The following ROBO1 variants were observed in gnomAD, a reference collection of about 807,000 sequenced individuals.
The protein encoded by ROBO1 is roundabout homolog 1.
In ROBO1, 149 loss-of-function variants were observed where a neutral mutation model predicts 195.9. That is an observed-to-expected ratio of 0.76 (90% CI 0.67 to 0.87). ROBO1 has a LOEUF of 0.87. Among genes scored for constraint, ROBO1 ranks in the 40% least tolerant of loss-of-function variants. ROBO1 has a pLI of 0.00. For missense variants in ROBO1, 1,933 were observed against 2,068.3 expected, an observed-to-expected ratio of 0.93 and a Z score of 1.27; for synonymous variants, 816 against 733.2, an observed-to-expected ratio of 1.11 and a Z score of -1.82.
chr3:79,394,501 G>A (rs947556112), intron 2 of ROBO1, among the ~76,000 whole-genome samples: 4 of 151,792 alleles, frequency 2.6e-5, no homozygotes, highest in African/African-American at 9.7e-5. Flanking sequence ...ATATAGGCAA[G>A]TGGAAAACAG....
intron 28 of ROBO1, among the ~76,000 whole-genome samples, chr3:78,609,453 C>A (rs1703658472): frequency 6.6e-6 from 1 of 152,140 alleles, no homozygotes; most frequent in African/African-American, 2.4e-5. Context: ...ACCTGTCTTC[C>A]CATTCACATG....
intron 1 of ROBO1, among the ~76,000 whole-genome samples, chr3:79,734,562 C>A (rs184336140): frequency 2.6e-5 from 4 of 152,316 alleles, no homozygotes; most frequent in Middle Eastern, 3.4e-3. Context: ...AAAACTCTTT[C>A]TTCATACTGA....
At chr3:78,714,056 G>C (rs1467192229) in intron 8 of ROBO1, among the ~76,000 whole-genome samples, 1 of 152,148 alleles carries the variant, frequency 6.6e-6, no homozygotes, top group Non-Finnish European at 1.5e-5. Flanking sequence ...GACAGCAATA[G>C]CTGTCATTTA....
At chr3:78,622,032 T>C (rs773884725) in intron 26 of ROBO1, among the ~76,000 whole-genome samples, 7 of 152,200 alleles carry the variant, frequency 4.6e-5, no homozygotes, top group Non-Finnish European at 7.3e-5. Flanking sequence ...TTTACTTTTC[T>C]AGAGACTTTT....
At chr3:79,627,505 A>G (rs1035536567) in intron 1 of ROBO1, among the ~76,000 whole-genome samples, 3 of 152,180 alleles carry the variant, frequency 2.0e-5, no homozygotes, top group Non-Finnish European at 2.9e-5. Context: ...TTAACTGAAG[A>G]TGGATTAGAG....
At chr3:79,038,056 T>C (rs2108322201) in intron 3 of ROBO1, among the ~76,000 whole-genome samples, 1 of 152,328 alleles carries the variant, frequency 6.6e-6, no homozygotes, top group East Asian at 1.9e-4. Flanking sequence ...AATAGCACTT[T>C]CTTAAACTTT....
At chr3:79,446,907 T>C (rs2039277388) in intron 2 of ROBO1, among the ~76,000 whole-genome samples, 1 of 152,186 alleles carries the variant, frequency 6.6e-6, no homozygotes, top group Non-Finnish European at 1.5e-5. Flanking sequence ...CACTGTGACC[T>C]CCGCCTCCCG....
At chr3:78,798,237 G>A (rs943547234) in intron 4 of ROBO1, among the ~76,000 whole-genome samples, 5 of 152,064 alleles carry the variant, frequency 3.3e-5, no homozygotes, top group African/African-American at 1.2e-4. Flanking sequence ...TAAATAAAAT[G>A]GCTTTTCTTG....
intron 3 of ROBO1, among the ~76,000 whole-genome samples, chr3:79,036,586 G>T (rs746845257): frequency 6.6e-6 from 1 of 151,904 alleles, no homozygotes; most frequent in African/African-American, 2.4e-5. Flanking sequence ...ATATAAATCA[G>T]ATAATGATGT....
At chr3:78,811,745 C>A (rs1357116768) in intron 4 of ROBO1, among the ~76,000 whole-genome samples, 1 of 152,082 alleles carries the variant, frequency 6.6e-6, no homozygotes, top group Non-Finnish European at 1.5e-5. Context: ...TCCGACATGC[C>A]AGAATCTTAA....
Position 78,685,750 on chromosome 3 carries a change from T to C in ROBO1, c.1338A>G (p.Thr446=). The change falls in exon 10 of 31, where the codon ACA becomes ACG. Residue 446 remains threonine (T), a synonymous_variant. Transcript: ENST00000464233. The part of the protein sequence containing the change: ...SIITKAYLEV[T]DVIADRPPPV... The stretch of plus-strand genomic sequence containing the variant: ...ATAAAATGTTTTACACTTTACCATC[T>C]GTAACTTCCAAATATGCCTTTGTGA... 1 of 1,602,010 alleles carries C rather than the reference T, an allele frequency of 6.2e-7. No individual in the cohort carries two copies. The highest frequency in any genetic ancestry group is 8.5e-7 in the Non-Finnish European group (1 of 1,171,616).
chr3:78,635,250 A>G (rs1203592993), intron 23 of ROBO1, among the ~76,000 whole-genome samples: 1 of 152,222 alleles, frequency 6.6e-6, no homozygotes, highest in African/African-American at 2.4e-5. Flanking sequence ...AAGGAAATTT[A>G]GGTTCTAAAA....
intron 4 of ROBO1, among the ~76,000 whole-genome samples, chr3:78,931,316 C>A (rs2039519600): frequency 7.1e-6 from 1 of 140,474 alleles, no homozygotes; most frequent in African/African-American, 2.6e-5. Context: ...TCTCAGCTCA[C>A]TGCAACCTCC....
chr3:79,094,446 T>C (rs2079529862), intron 3 of ROBO1, among the ~76,000 whole-genome samples: 1 of 152,070 alleles, frequency 6.6e-6, no homozygotes. Flanking sequence ...TCCTTTGATA[T>C]GCAAACAGAA....
chr3:78,897,778 C>T (rs1240831788), intron 4 of ROBO1, among the ~76,000 whole-genome samples: 1 of 152,012 alleles, frequency 6.6e-6, no homozygotes, highest in Non-Finnish European at 1.5e-5. Flanking sequence ...AAACTTCATA[C>T]CCATTGTTGA....
intron 2 of ROBO1, among the ~76,000 whole-genome samples, chr3:79,559,515 C>G (rs1942829152): frequency 6.6e-6 from 1 of 152,186 alleles, no homozygotes; most frequent in South Asian, 2.1e-4. Flanking sequence ...GAGGTGGAAA[C>G]ACTTGTTCTT....
In ROBO1 at chr3:78,683,368, T is replaced by A. The variant is rs147087836; in HGVS notation, c.1342+2378A>T. On this transcript the variant is annotated intron_variant, in intron 10 of 30. Coordinates refer to ENST00000464233, the MANE Select transcript of ROBO1 (RefSeq NM_002941.4). Reference sequence around the variant, plus strand: ...TAAAATCAAAATTAAATATTCAGATTTTTTTGTTTGTTTAGGGAGTGGGTG... The same window carrying A: ...TAAAATCAAAATTAAATATTCAGATATTTTTGTTTGTTTAGGGAGTGGGTG... Among the ~76,000 whole-genome samples, 846 of 152,134 alleles carry A rather than the reference T, an allele frequency of 5.6e-3. 6 individuals carry two copies. The highest frequency in any genetic ancestry group is 0.019 in the African/African-American group (804 of 41,542).
At chr3:79,308,891 G>A (rs2033347644) in intron 2 of ROBO1, among the ~76,000 whole-genome samples, 1 of 152,096 alleles carries the variant, frequency 6.6e-6, no homozygotes, top group Non-Finnish European at 1.5e-5. Context: ...CCTCATTAAG[G>A]AAAACAATTG....
At chr3:79,561,382 C>T (rs1436308944) in intron 2 of ROBO1, among the ~76,000 whole-genome samples, 3 of 152,158 alleles carry the variant, frequency 2.0e-5, no homozygotes, top group Non-Finnish European at 2.9e-5. Flanking sequence ...ACACTGGGAG[C>T]ATGGGCAAGA....
Sources: allele counts gnomAD v4.1 joint callset (sites outside exome capture counted in the v4.1 genomes callset), GRCh38; gene constraint gnomAD v4.1.1; transcripts MANE v1.5; gene names NCBI Gene and HGNC (gene_info 2026-07-23, HGNC 2026-07-21).